SEPTIN14: variants seen among roughly 807,000 people sequenced by gnomAD.
SEPTIN14 encodes septin-14.
Under a neutral mutation model 53.6 loss-of-function variants are expected in SEPTIN14, and 40 were observed. The observed-to-expected ratio is 0.75, with a 90% CI of 0.58 to 0.97. The LOEUF (loss-of-function observed/expected upper bound fraction) is 0.97. SEPTIN14 is among the 50% of genes least tolerant of loss of function. SEPTIN14 has a pLI of 0.00. For synonymous variants in SEPTIN14, 138 were observed against 166.8 expected (o/e 0.83, Z 1.33); for missense variants, 471 against 508.2 (o/e 0.93, Z 0.70).
At chr7:55,803,024 A>G (rs1329620394) in intron 9 of SEPTIN14, among the ~76,000 whole-genome samples, 3 of 150,756 alleles carry the variant, frequency 2.0e-5, no homozygotes, top group East Asian at 2.0e-4. Context: ...TGTAACCTCT[A>G]CCTCCCGGGT....
chr7:55,825,493 G>A (rs1462532400), intron 6 of SEPTIN14, among the ~76,000 whole-genome samples: 2 of 152,008 alleles, frequency 1.3e-5, no homozygotes, highest in Non-Finnish European at 2.9e-5. Flanking sequence ...TGTCAGATAC[G>A]AACTTTAGTT....
intron 6 of SEPTIN14, among the ~76,000 whole-genome samples, chr7:55,830,011 T>G (rs1789069588): frequency 6.6e-6 from 1 of 151,016 alleles, no homozygotes; most frequent in East Asian, 2.0e-4. Flanking sequence ...ACCCCGTCTC[T>G]ACTGAAAATA....
rs1409193884 is a variant in SEPTIN14, at chr7:55,793,805, A to T, written c.*2108T>A. The T allele has an allele frequency of 6.6e-6, 1 of 152,148 alleles. No homozygotes were observed. The highest frequency in any genetic ancestry group is 1.5e-5 in the Non-Finnish European group (1 of 67,984). 9.4% of individuals were successfully genotyped at this position (152,148 alleles called of 1,614,324 possible). A position where few individuals can be genotyped will look rare whatever the true frequency, so the allele number is the denominator to read the frequency against. ...CAAAAACGAAATCTACATAGAATATACACAAAAGGAAATGAGAATAGAAAC... is the reference window on the plus strand; with the variant it reads ...CAAAAACGAAATCTACATAGAATATTCACAAAAGGAAATGAGAATAGAAAC... On this transcript the variant is annotated 3_prime_UTR_variant, in exon 10 of 10. Transcript: ENST00000388975.
intron 5 of SEPTIN14, among the ~76,000 whole-genome samples, chr7:55,839,629 C>G (rs764865076): frequency 1.1e-4 from 17 of 152,036 alleles, no homozygotes; most frequent in Non-Finnish European, 2.2e-4. Context: ...AGGCTCTGTA[C>G]CATGCATGCT....
chr7:55,831,191 T>C (rs1416612638), intron 6 of SEPTIN14, among the ~76,000 whole-genome samples: 1 of 151,696 alleles, frequency 6.6e-6, no homozygotes, highest in East Asian at 1.9e-4. Flanking sequence ...AAAAAAACAG[T>C]ATGGCATTGG....
At chr7:55,799,176 T>A (rs980254094) in intron 9 of SEPTIN14, among the ~76,000 whole-genome samples, 1 of 151,936 alleles carries the variant, frequency 6.6e-6, no homozygotes, top group African/African-American at 2.4e-5. Context: ...AGACTCACTT[T>A]TGCCTTAAGG....
At chr7:55,802,417 A>G (rs1249490762) in intron 9 of SEPTIN14, among the ~76,000 whole-genome samples, 1 of 152,234 alleles carries the variant, frequency 6.6e-6, no homozygotes, top group African/African-American at 2.4e-5. Context: ...TGATGAGCCA[A>G]CTAGGAAATC....
chr7:55,822,898 C>T (rs545619600), intron 6 of SEPTIN14, among the ~76,000 whole-genome samples: 1 of 151,300 alleles, frequency 6.6e-6, no homozygotes, highest in Non-Finnish European at 1.5e-5. Context: ...ACAAGTCTGC[C>T]TTTCTTCACC....
At chr7:55,798,420 G>T in intron 9 of SEPTIN14, 1 of 246,864 alleles carries the variant, frequency 4.1e-6, no homozygotes, top group Admixed American at 5.3e-5. Flanking sequence ...GGCCCCTCAG[G>T]GGAGCCCCTG....
intron 7 of SEPTIN14, among the ~76,000 whole-genome samples, chr7:55,814,753 G>A (rs1239960077): frequency 1.3e-5 from 2 of 152,186 alleles, no homozygotes; most frequent in Non-Finnish European, 2.9e-5. Context: ...GATTCAATGC[G>A]ATCCCTATCA....
chr7:55,807,727 C>T (rs141307194), intron 7 of SEPTIN14, among the ~76,000 whole-genome samples: 1 of 152,154 alleles, frequency 6.6e-6, no homozygotes, highest in African/African-American at 2.4e-5. Context: ...ATTTAGGAGA[C>T]ACCGTTAGTC....
chr7:55,849,189 G>A (rs1222574802), intron 2 of SEPTIN14, among the ~76,000 whole-genome samples: 3 of 151,728 alleles, frequency 2.0e-5, no homozygotes, highest in African/African-American at 4.8e-5. Flanking sequence ...ACCCGGCATG[G>A]TGGCAGGAGC....
chr7:55,802,512 G>C (rs1433685166), intron 9 of SEPTIN14, among the ~76,000 whole-genome samples: 1 of 151,664 alleles, frequency 6.6e-6, no homozygotes, highest in African/African-American at 2.4e-5. Flanking sequence ...ATGCAAGGAT[G>C]ATTCAAATAC....
intron 9 of SEPTIN14, among the ~76,000 whole-genome samples, chr7:55,796,486 C>G (rs1788434381): frequency 6.6e-6 from 1 of 151,966 alleles, no homozygotes. Context: ...TGGTCTTGAA[C>G]TCCTAACCTC....
intron 6 of SEPTIN14, among the ~76,000 whole-genome samples, chr7:55,832,233 ACACACACACAC>A (rs1327580192): frequency 1.1e-4 from 16 of 151,912 alleles, no homozygotes; most frequent in African/African-American, 3.1e-4. Flanking sequence ...ACACACACAC[ACACACACACAC>A]AAAATAAGAT....
chr7:55,855,777 C>T (rs1323283452), intron 2 of SEPTIN14, among the ~76,000 whole-genome samples: 3 of 152,022 alleles, frequency 2.0e-5, no homozygotes, highest in African/African-American at 4.8e-5. Context: ...TGGTCTTGAA[C>T]GCCTCACCTC....
chr7:55,842,949 T>A lies in SEPTIN14; in HGVS notation c.551A>T (p.Asp184Val). Residue 184 changes from aspartate to valine, a missense_variant, in exon 5 of 10, where the codon GAC becomes GTC. By Grantham distance (152) the Asp-to-Val change is radical. Transcript: ENST00000388975. The part of the protein sequence containing the change: ...SLDLLTMKNL[D>V]SKVNIIPLIA... ...TAGATTTACCAAACATACCTTACTG[T>A]CAAGGTTCTTCATTGTTAATAGATC... 1.3e-6 allele frequency: 2 copies of A among 1,507,790 alleles called. No individual in the cohort carries two copies. The highest frequency in any genetic ancestry group is 1.8e-6 in the Non-Finnish European group (2 of 1,131,272). The allele number at this position is 1,507,790 out of a possible 1,614,324, so 93.4% of individuals were successfully genotyped here. A position where few individuals can be genotyped will look rare whatever the true frequency, so the allele number is the denominator to read the frequency against.
At position 55,849,752 on chromosome 7, in the gene SEPTIN14, A is replaced by AG. The variant is rs1383366409; in HGVS notation, c.55-3116_55-3115insC. ...CAGAGCAAGACTCCATCTCAAAAAA[A>AG]CAAAAAACAAACAAACAAAAAACAC... On this transcript the variant is annotated intron_variant, in intron 2 of 9. Transcript: ENST00000388975. Among the ~76,000 whole-genome samples the AG allele has an allele frequency of 2.0e-5, 3 of 152,130 alleles. 1 individual carries two copies. Among genetic ancestry groups the AG allele is most frequent in the Non-Finnish European group, 4.4e-5 (3 of 68,026 alleles).
intron 7 of SEPTIN14, among the ~76,000 whole-genome samples, chr7:55,809,233 G>A (rs1788656514): frequency 6.6e-6 from 1 of 151,578 alleles, no homozygotes. Context: ...ACACAAAGGG[G>A]AGAACAACAG....
Sources: allele counts gnomAD v4.1 joint callset (sites outside exome capture counted in the v4.1 genomes callset), GRCh38; gene constraint gnomAD v4.1.1; transcripts MANE v1.5; gene names NCBI Gene and HGNC (gene_info 2026-07-23, HGNC 2026-07-21).